The following TK2 variants were observed in gnomAD, a reference collection of about 807,000 sequenced individuals.
TK2 encodes the protein thymidine kinase 2.
A neutral mutation model predicts 41.9 loss-of-function variants in TK2; 35 were observed. The observed-to-expected ratio is 0.84, with a 90% CI of 0.64 to 1.11. The LOEUF is 1.11. TK2 is among the 50% of genes least tolerant of loss of function. TK2 has a pLI of 0.00. For synonymous variants in TK2, 128 were observed against 129.1 expected, an observed-to-expected ratio of 0.99 and a Z score of 0.06; for missense variants, 320 against 351.1, an observed-to-expected ratio of 0.91 and a Z score of 0.71.
rs185402267 is a variant in TK2 at position 66,523,863 on chromosome 16, C to T, written c.449+5131G>A. 2.0e-5 allele frequency among the ~76,000 whole-genome samples: 3 copies of T among 152,172 alleles called. No individual in the cohort carries two copies. In the East Asian group the frequency reaches 5.8e-4, roughly 29 times the overall value. ...AACAAAAAACAAAAAACAAAAAAAC[C>T]CCACATCTACTTTCTCAGTAATACT... On this transcript the variant is annotated intron_variant, in intron 6 of 9. Transcript: ENST00000544898.
chr16:66,544,796 C>T (rs1471164894), intron 2 of TK2, among the ~76,000 whole-genome samples: 1 of 152,172 alleles, frequency 6.6e-6, no homozygotes, highest in Non-Finnish European at 1.5e-5. Context: ...CTAAGAAATA[C>T]ATTCTCAGTG....
At chr16:66,520,148 A>G (rs1964738411) in intron 6 of TK2, among the ~76,000 whole-genome samples, 1 of 152,182 alleles carries the variant, frequency 6.6e-6, no homozygotes, top group African/African-American at 2.4e-5. Flanking sequence ...CAGGACTCCC[A>G]GAAAACCTGG....
intron 2 of TK2, 164 bp downstream of exon 2, chr16:66,548,814 G>A: frequency 2.9e-6 from 2 of 678,874 alleles, no homozygotes; most frequent in Non-Finnish European, 5.3e-6. Context: ...ATTGGTAACA[G>A]AGGTGGCCTT....
intron 3 of TK2, among the ~76,000 whole-genome samples, chr16:66,539,812 A>C (rs1965403143): frequency 6.6e-6 from 1 of 152,076 alleles, no homozygotes; most frequent in Non-Finnish European, 1.5e-5. Flanking sequence ...TGAACCTGGG[A>C]GTTCAGGGTT....
intron 8 of TK2, among the ~76,000 whole-genome samples, chr16:66,516,546 T>G (rs1964619852): frequency 1.3e-5 from 2 of 151,994 alleles, no homozygotes; most frequent in Non-Finnish European, 2.9e-5. Flanking sequence ...GAGGCCAGAT[T>G]TTGAAGGGAG....
In TK2 at chr16:66,550,025, C is replaced by A; in HGVS notation, c.37G>T (p.Ala13Ser). 1 of 1,549,180 alleles carries A rather than the reference C, an allele frequency of 6.5e-7. No homozygotes were observed. The highest frequency in any genetic ancestry group is 2.4e-5 in the East Asian group (1 of 41,176). Residue 13 changes from alanine to serine, a missense_variant, in exon 1 of 10, where the codon GCG (alanine) becomes TCG (serine). By Grantham distance (99) the Ala-to-Ser change is moderately conservative (BLOSUM62 1). Transcript: ENST00000544898. ...LWPLRGWAAR[A>S]LRCFGPGSRG... ...CTTCCCGGCCCAAAGCAGCGCAGCGCCCGGGCGGCCCAGCCCCGCAGCGGC... is the reference window on the plus strand; with the variant it reads ...CTTCCCGGCCCAAAGCAGCGCAGCGACCGGGCGGCCCAGCCCCGCAGCGGC...
At position 66,531,421 on chromosome 16, in the gene TK2, A is replaced by T. The variant is rs281865490; in HGVS notation, c.334T>A (p.Tyr112Asn). The change falls in exon 5 of 10, where the codon TAT becomes AAT. Residue 112 changes from tyrosine (Y) to asparagine (N), a missense_variant. Transcript: ENST00000544898. ...CTGTCCAGCATGGTGAGCTGCACAT[A>T]AGTCTGTAGCGTAAGACCCCAGCGA... is the stretch of plus-strand genomic sequence containing the variant. ...ASRWGLTLQT[Y>N]VQLTMLDRHT... 1 of 1,614,094 alleles carries T rather than the reference A, an allele frequency of 6.2e-7. No homozygotes were observed. Among genetic ancestry groups the T allele is most frequent in the Non-Finnish European group, 8.5e-7 (1 of 1,180,044 alleles).
chr16:66,525,636 A>G lies in TK2; in HGVS notation c.449+3358T>C, dbSNP rs201774980. Among the ~76,000 whole-genome samples the G allele has an allele frequency of 1.1e-4, 17 of 152,318 alleles. No homozygotes were observed. In the East Asian group the frequency reaches 1.7e-3, roughly 16 times the overall value. ...CCCTCCAGGCAGCCACAGTGCTCCC[A>G]GTAGCCTCTGGAGTGCCCGAGGCCA... On this transcript the variant is annotated intron_variant, in intron 6 of 9. Coordinates refer to ENST00000544898, the MANE Select transcript of TK2 (RefSeq NM_004614.5).
At chr16:66,537,060 G>C in intron 3 of TK2, 43 bp from the exon 4 acceptor site, 1 of 1,609,012 alleles carries the variant, frequency 6.2e-7, no homozygotes, top group Non-Finnish European at 8.5e-7. Context: ...TCTCTGTGCT[G>C]AACCCTGTAA....
intron 2 of TK2, among the ~76,000 whole-genome samples, chr16:66,547,421 C>A (rs1965642170): frequency 1.3e-5 from 2 of 152,166 alleles, no homozygotes; most frequent in Admixed American, 1.3e-4. Flanking sequence ...TATTCTCAGT[C>A]CCTCTGCACC....
intron 8 of TK2, among the ~76,000 whole-genome samples, chr16:66,516,385 T>C (rs1722719285): frequency 6.6e-6 from 1 of 152,204 alleles, no homozygotes; most frequent in Non-Finnish European, 1.5e-5. Context: ...TGGAGGATGA[T>C]AACGCCAGAG....
chr16:66,529,880 C>G (rs1339433994), intron 5 of TK2, among the ~76,000 whole-genome samples: 2 of 152,202 alleles, frequency 1.3e-5, no homozygotes, highest in Non-Finnish European at 1.5e-5. Context: ...TCTTTCCTTA[C>G]TTCCTAGCTC....
rs771367884 is a variant in TK2, at chr16:66,529,035, A to G, written c.408T>C (p.Ile136=). 3.1e-6 allele frequency: 5 copies of G among 1,614,030 alleles called. No individual in the cohort carries two copies. In the African/African-American group the frequency reaches 5.3e-5, roughly 17 times the overall value. Residue 136 remains isoleucine, a synonymous_variant, in exon 6 of 10, where the codon ATT becomes ATC. Coordinates refer to ENST00000544898, the MANE Select transcript of TK2 (RefSeq NM_004614.5). ...VSSVRLMERS[I]HSARYIFVEN... Reference sequence around the variant, plus strand: ...CTACAAAAATGTATCTTGCGCTGTGAATCGACCTCTCCATCAACCGTACAG... The same window carrying G: ...CTACAAAAATGTATCTTGCGCTGTGGATCGACCTCTCCATCAACCGTACAG...
At chr16:66,532,615 AT>A (rs1239106724) in intron 4 of TK2, among the ~76,000 whole-genome samples, 1 of 151,472 alleles carries the variant, frequency 6.6e-6, no homozygotes, top group Non-Finnish European at 1.5e-5. Context: ...GAAAAAAAAA[AT>A]AAATTAATTA....
At chr16:66,549,389 T>G (rs888895026) in intron 1 of TK2, 6 of 1,121,960 alleles carry the variant, frequency 5.3e-6, no homozygotes, top group Admixed American at 4.6e-5. Flanking sequence ...GGGACCCAGG[T>G]GTTCCTCTAG....
In TK2 at chr16:66,511,814, G is replaced by A. The variant is rs920604464; in HGVS notation, c.*154C>T. 9.8e-5 allele frequency: 70 copies of A among 716,042 alleles called. No homozygotes were observed. The African/African-American group carries it at 1.2e-3, about 12-fold the overall frequency. The allele number at this position is 716,042 out of a possible 1,614,324, so 44.4% of individuals were successfully genotyped here. ...TTACCCACGAGGGCCAGAGACGCAT[G>A]ACAAAGACACTAGCAAAGGAGATGA... On this transcript the variant is annotated 3_prime_UTR_variant, in exon 10 of 10. Transcript: ENST00000544898.
chr16:66,515,041 G>A (rs1964570247), intron 8 of TK2, among the ~76,000 whole-genome samples: 1 of 151,948 alleles, frequency 6.6e-6, no homozygotes, highest in Admixed American at 6.6e-5. Flanking sequence ...AAGGCGGCAG[G>A]GCCCTCTGCC....
At chr16:66,529,891 C>T (rs1400252568) in intron 5 of TK2, among the ~76,000 whole-genome samples, 3 of 152,206 alleles carry the variant, frequency 2.0e-5, no homozygotes, top group Non-Finnish European at 4.4e-5. Flanking sequence ...TTCCTAGCTC[C>T]CCATTCATCC....
At chr16:66,539,626 G>GAAGA (rs371174929) in intron 3 of TK2, among the ~76,000 whole-genome samples, 8,161 of 144,542 alleles carry the variant, frequency 0.056, 864 homozygotes, top group African/African-American at 0.2. Context: ...AAAAAAAAAG[G>GAAGA]AAGAAAAAGA....
Sources: allele counts gnomAD v4.1 joint callset (sites outside exome capture counted in the v4.1 genomes callset), GRCh38; gene constraint gnomAD v4.1.1; transcripts MANE v1.5; gene names NCBI Gene and HGNC (gene_info 2026-07-23, HGNC 2026-07-21).